SEZ6L: variants seen among roughly 807,000 people sequenced by gnomAD.
SEZ6L encodes seizure 6-like protein.
Under a neutral mutation model 106.2 loss-of-function variants are expected in SEZ6L, and 37 were observed. The observed-to-expected ratio is 0.35, with a 90% CI of 0.27 to 0.46. The LOEUF (loss-of-function observed/expected upper bound fraction) is 0.46, where lower values mean the gene tolerates loss of function less well. SEZ6L is among the 20% of genes least tolerant of loss of function. The pLI is 1.00. For missense variants in SEZ6L, 1,172 were observed against 1,332.8 expected (o/e 0.88, Z 1.88); for synonymous variants, 541 against 570.4 (o/e 0.95, Z 0.73).
intron 10 of SEZ6L, among the ~76,000 whole-genome samples, chr22:26,341,030 A>G (rs767485984): frequency 6.6e-6 from 1 of 151,198 alleles, no homozygotes; most frequent in African/African-American, 2.4e-5. Flanking sequence ...TCTTACATCA[A>G]CATACTTCCT....
intron 9 of SEZ6L, among the ~76,000 whole-genome samples, chr22:26,338,837 T>G (rs1435181176): frequency 7.3e-6 from 1 of 136,470 alleles, no homozygotes; most frequent in Non-Finnish European, 1.6e-5. Context: ...ATTATAGGCG[T>G]GAGCCACCAC....
chr22:26,292,676 T>A lies in SEZ6L; in HGVS notation c.365T>A (p.Leu122His), dbSNP rs2081170911. The A allele has an allele frequency of 1.2e-6, 2 of 1,612,924 alleles. No individual in the cohort carries two copies. The highest frequency in any genetic ancestry group is 2.2e-5 in the South Asian group (2 of 91,004). Residue 122 changes from leucine (L) to histidine (H), a missense_variant, in exon 2 of 17, where the codon CTC becomes CAC. Around this residue, in one of 4 missense-constraint regions of SEZ6L, gnomAD observed 494 missense variants for 445.8 expected, o/e 1.11. Transcript: ENST00000248933. Reference protein sequence around the residue: ...ALPPKKKLPSLKQVNSARKQL... With the variant: ...ALPPKKKLPSHKQVNSARKQL... Reference sequence around the variant, plus strand: ...CCCCCCAAGAAGAAACTGCCTTCGCTCAAGCAGGTGAACTCTGCCAGGAAG... The same window carrying A: ...CCCCCCAAGAAGAAACTGCCTTCGCACAAGCAGGTGAACTCTGCCAGGAAG...
At chr22:26,319,165 G>A (rs1052285530) in intron 9 of SEZ6L, among the ~76,000 whole-genome samples, 14 of 152,132 alleles carry the variant, frequency 9.2e-5, no homozygotes, top group Admixed American at 2.6e-4. Context: ...AAATCCTCAG[G>A]AAATTCCATT....
intron 1 of SEZ6L, among the ~76,000 whole-genome samples, chr22:26,181,049 G>A (rs576281816): frequency 2.2e-4 from 34 of 152,168 alleles, no homozygotes; most frequent in East Asian, 1.7e-3. Flanking sequence ...CTCAGTTTCC[G>A]TCTGCAAAAT....
chr22:26,313,571 TACAC>T (rs56086023), intron 8 of SEZ6L, among the ~76,000 whole-genome samples, 189 bp from the exon 9 acceptor site: 131 of 103,794 alleles, frequency 1.3e-3, no homozygotes, highest in East Asian at 4.2e-3. Context: ...ATTTAATCAT[TACAC>T]ACACACACAC....
chr22:26,296,337 A>C (rs1421035402), intron 3 of SEZ6L, among the ~76,000 whole-genome samples: 1 of 152,166 alleles, frequency 6.6e-6, no homozygotes, highest in African/African-American at 2.4e-5. Context: ...CCCCTCACTT[A>C]CCAATTTATG....
chr22:26,261,071 G>T (rs1268198113), intron 1 of SEZ6L, among the ~76,000 whole-genome samples: 1 of 147,712 alleles, frequency 6.8e-6, no homozygotes, highest in Non-Finnish European at 1.5e-5. Context: ...CCCACTTTTT[G>T]ATGGGATTAT....
intron 12 of SEZ6L, among the ~76,000 whole-genome samples, chr22:26,356,020 AAAT>A (rs1402272732): frequency 6.6e-6 from 1 of 152,184 alleles, no homozygotes; most frequent in Non-Finnish European, 1.5e-5. Context: ...CTGTGAAAGA[AAAT>A]AATACCCTTT....
chr22:26,201,385 A>AG (rs1940944934), intron 1 of SEZ6L, among the ~76,000 whole-genome samples: 3 of 145,184 alleles, frequency 2.1e-5, no homozygotes, highest in Non-Finnish European at 1.5e-5. Flanking sequence ...AAAAATACAA[A>AG]AAAAAAAAAA....
intron 9 of SEZ6L, among the ~76,000 whole-genome samples, chr22:26,314,837 G>T (rs2081952870): frequency 6.6e-6 from 1 of 152,246 alleles, no homozygotes; most frequent in South Asian, 2.1e-4. Flanking sequence ...CACTGTCTGA[G>T]AAGGCAGCAG....
At chr22:26,202,329 A>G (rs1015624638) in intron 1 of SEZ6L, among the ~76,000 whole-genome samples, 12 of 152,212 alleles carry the variant, frequency 7.9e-5, no homozygotes, top group African/African-American at 2.7e-4. Context: ...AGATGATCCC[A>G]TAGGAAAATG....
At chr22:26,309,733 C>A (rs1325801389) in intron 6 of SEZ6L, among the ~76,000 whole-genome samples, 1 of 152,168 alleles carries the variant, frequency 6.6e-6, no homozygotes, top group Admixed American at 6.5e-5. Flanking sequence ...CACGCGCCAC[C>A]ATATCTGTCT....
rs183087568 is a variant in SEZ6L at position 26,296,440 on chromosome 22, C to T, written c.970-448C>T. On this transcript the variant is annotated intron_variant, in intron 3 of 16. Transcript: ENST00000248933. ...TATTCTAGGCACTGGAAACATTGAA[C>T]AGCATGGAGAAATCCCTAACCTTGC... 3.9e-5 allele frequency among the ~76,000 whole-genome samples: 6 copies of T among 152,228 alleles called. No homozygotes were observed. The East Asian group carries it at 1.2e-3, about 29-fold the overall frequency.
chr22:26,294,721 A>AACACAC (rs56000206), intron 3 of SEZ6L, among the ~76,000 whole-genome samples: 2,948 of 148,240 alleles, frequency 0.02, 42 homozygotes, highest in Admixed American at 0.034. Context: ...CACGTGCATA[A>AACACAC]ACACACACAC....
intron 11 of SEZ6L, among the ~76,000 whole-genome samples, chr22:26,348,909 AAG>A (rs1272156825): frequency 1.2e-5 from 1 of 80,008 alleles, no homozygotes; most frequent in Non-Finnish European, 2.4e-5. Context: ...GAAGGAATGA[AAG>A]AGGGGAGGGA....
intron 11 of SEZ6L, among the ~76,000 whole-genome samples, chr22:26,348,173 A>G (rs1290242268): frequency 6.6e-6 from 1 of 152,098 alleles, no homozygotes; most frequent in Non-Finnish European, 1.5e-5. Context: ...TGTGAACTCC[A>G]GTGAATGGGA....
intron 1 of SEZ6L, among the ~76,000 whole-genome samples, chr22:26,184,604 C>G (rs932149976): frequency 4.6e-5 from 7 of 152,130 alleles, no homozygotes; most frequent in African/African-American, 1.7e-4. Flanking sequence ...AATGTATACT[C>G]CCTGTGATCT....
chr22:26,370,469 G>A (rs920615220), intron 13 of SEZ6L, among the ~76,000 whole-genome samples: 32 of 152,092 alleles, frequency 2.1e-4, no homozygotes, highest in African/African-American at 7.5e-4. Flanking sequence ...TATCTGCCAC[G>A]GTAGCTTTTT....
At chr22:26,306,227 G>T in intron 6 of SEZ6L, 83 bp downstream of exon 6, 1 of 1,484,868 alleles carries the variant, frequency 6.7e-7, no homozygotes, top group African/African-American at 1.4e-5. Flanking sequence ...TCTTGAAATG[G>T]CTGAAGCTTT....
Sources: gnomAD v4.1 joint callset for allele counts (sites outside exome capture counted in the v4.1 genomes callset) on GRCh38, gnomAD v4.1.1 for gene constraint, gnomAD v4.1.1 regional missense constraint, MANE v1.5 for transcripts, NCBI Gene and HGNC (gene_info 2026-07-23, HGNC 2026-07-21) for gene names.